Variants in PEX5L observed in about 807,000 individuals in gnomAD.
The protein encoded by PEX5L is PEX5-related protein.
PEX5L carries 30 observed loss-of-function variants against 84.0 expected under a neutral mutation model. That is an observed-to-expected ratio of 0.36 (90% CI 0.27 to 0.48). PEX5L has a LOEUF of 0.48. Ranked by LOEUF, PEX5L falls within the 20% of genes least tolerant of loss-of-function variation. The pLI, the probability that PEX5L is intolerant of heterozygous loss-of-function variation, is 0.99. For synonymous variants in PEX5L, 270 were observed against 283.1 expected (o/e 0.95, Z 0.46); for missense variants, 533 against 754.6 (o/e 0.71, Z 3.44).
intron 2 of PEX5L, among the ~76,000 whole-genome samples, chr3:179,951,646 T>C (rs61148580): frequency 0.038 from 5,847 of 152,268 alleles, 368 homozygotes; most frequent in African/African-American, 0.13. Context: ...CTTGCATTTC[T>C]GACCACTTAG....
intron 1 of PEX5L, chr3:179,974,165 A>G: frequency 2.0e-6 from 2 of 985,510 alleles, no homozygotes; most frequent in Non-Finnish European, 2.4e-6. Flanking sequence ...TGTCAAGCAC[A>G]AAAAGCAAGT....
At chr3:179,988,124 G>C (rs1489185308) in intron 1 of PEX5L, among the ~76,000 whole-genome samples, 1 of 152,150 alleles carries the variant, frequency 6.6e-6, no homozygotes, top group Non-Finnish European at 1.5e-5. Context: ...AGAGGGCTGG[G>C]CATGGTGGCT....
At chr3:179,898,429 A>G in intron 2 of PEX5L, 183 bp from the exon 3 acceptor site, 1 of 445,210 alleles carries the variant, frequency 2.2e-6, no homozygotes, top group Admixed American at 3.8e-5. Context: ...TTATTTGTGA[A>G]CTTTTAGTTA....
intron 1 of PEX5L, among the ~76,000 whole-genome samples, chr3:180,035,676 C>T (rs1360162901): frequency 1.3e-5 from 2 of 152,270 alleles, no homozygotes; most frequent in South Asian, 2.1e-4. Flanking sequence ...AAATGTTATA[C>T]ACCAGGATAA....
chr3:179,798,550 C>T lies in PEX5L; in HGVS notation c.*3278G>A, dbSNP rs1179799096. The T allele has an allele frequency of 6.6e-6, 1 of 152,164 alleles. No homozygotes were observed. Among genetic ancestry groups the T allele is most frequent in the Non-Finnish European group, 1.5e-5 (1 of 68,054 alleles). The allele number at this position is 152,164 out of a possible 1,614,324, so 9.4% of individuals were successfully genotyped here. A position where few individuals can be genotyped will look rare whatever the true frequency, so the allele number is the denominator to read the frequency against. ...GGCTTTCTCTTTATTTTCATCCAATCTACAGGCGAAGTCAGTCCCTGGAAG... is the reference window on the plus strand; with the variant it reads ...GGCTTTCTCTTTATTTTCATCCAATTTACAGGCGAAGTCAGTCCCTGGAAG... On this transcript the variant is annotated 3_prime_UTR_variant, in exon 15 of 15. Coordinates refer to ENST00000467460, the MANE Select transcript of PEX5L (RefSeq NM_016559.3).
chr3:180,029,789 G>A (rs948963580), intron 1 of PEX5L, among the ~76,000 whole-genome samples: 1 of 152,142 alleles, frequency 6.6e-6, no homozygotes, highest in African/African-American at 2.4e-5. Context: ...AGTTGGACTT[G>A]AGATTCTGCA....
At chr3:179,811,989 C>T (rs1053628960) in intron 10 of PEX5L, 118 bp from the exon 11 acceptor site, 5 of 778,512 alleles carry the variant, frequency 6.4e-6, no homozygotes, top group South Asian at 2.9e-5. Context: ...CATATGTGAG[C>T]GCTATATAAA....
intron 2 of PEX5L, among the ~76,000 whole-genome samples, chr3:179,934,764 T>A (rs1203363339): frequency 2.0e-5 from 3 of 152,220 alleles, no homozygotes; most frequent in Non-Finnish European, 2.9e-5. Flanking sequence ...AAGGGCTCAA[T>A]ACTAATACTC....
rs971768232 is a variant in PEX5L at position 179,998,700 on chromosome 3, T to C, written c.22-27035A>G. ...ATCCATCTAGCGATAAAGTGGGCCA[T>C]GGACAGCAGCATTCCATCATCAAAT... is the stretch of plus-strand genomic sequence containing the variant. On this transcript the variant is annotated intron_variant, in intron 1 of 14. Transcript: ENST00000467460. 3.3e-5 allele frequency among the ~76,000 whole-genome samples: 5 copies of C among 152,224 alleles called. 1 individual carries two copies. The highest frequency in any genetic ancestry group is 9.6e-5 in the African/African-American group (4 of 41,458).
At chr3:179,934,926 T>C (rs985844688) in intron 2 of PEX5L, among the ~76,000 whole-genome samples, 2 of 152,186 alleles carry the variant, frequency 1.3e-5, no homozygotes, top group Non-Finnish European at 2.9e-5. Flanking sequence ...CTGTTATAAA[T>C]GGTCAGATGT....
chr3:179,897,972 CT>C (rs1560595550), intron 3 of PEX5L, among the ~76,000 whole-genome samples, 169 bp downstream of exon 3: 1 of 151,636 alleles, frequency 6.6e-6, no homozygotes, highest in African/African-American at 2.4e-5. Flanking sequence ...GTGAATTTTT[CT>C]TTTTTTAGCA....
chr3:179,878,649 C>A (rs768583739), intron 5 of PEX5L, among the ~76,000 whole-genome samples: 1 of 152,226 alleles, frequency 6.6e-6, no homozygotes, highest in Non-Finnish European at 1.5e-5. Flanking sequence ...GTTCTCCCCA[C>A]CTTTCTCCTG....
chr3:179,935,724 T>A (rs1214212595), intron 2 of PEX5L, among the ~76,000 whole-genome samples: 1 of 152,044 alleles, frequency 6.6e-6, no homozygotes, highest in Non-Finnish European at 1.5e-5. Context: ...AGGGCAGCAA[T>A]GTTGCAGGTG....
intron 1 of PEX5L, among the ~76,000 whole-genome samples, chr3:180,011,335 T>A (rs1244948864): frequency 6.6e-6 from 1 of 152,228 alleles, no homozygotes; most frequent in East Asian, 1.9e-4. Context: ...ATTTAGCTAT[T>A]CAGAGCAGGT....
chr3:180,010,246 C>CTTTTTTTTTTTTTGTTTTT (rs1789319885), intron 1 of PEX5L, among the ~76,000 whole-genome samples: 1 of 105,180 alleles, frequency 9.5e-6, no homozygotes, highest in Non-Finnish European at 1.9e-5. Context: ...CACCCGGCCT[C>CTTTTTTTTTTTTTGTTTTT]TTTTTTTTTT....
chr3:179,816,826 C>T (rs563248359), intron 9 of PEX5L, among the ~76,000 whole-genome samples: 95 of 149,728 alleles, frequency 6.3e-4, no homozygotes, highest in African/African-American at 2.2e-3. Flanking sequence ...GAATATAGTA[C>T]ATTTTCATTG....
intron 2 of PEX5L, among the ~76,000 whole-genome samples, chr3:179,917,736 C>T (rs373169687): frequency 7.2e-5 from 11 of 152,184 alleles, no homozygotes; most frequent in East Asian, 5.8e-4. Context: ...CTCGGCTCAC[C>T]GCAACATCCG....
Position 179,855,839 on chromosome 3 carries a change from G to C in PEX5L, c.822+3223C>G, listed in dbSNP as rs568292088. Among the ~76,000 whole-genome samples, 4 of 152,266 alleles carry C rather than the reference G, an allele frequency of 2.6e-5. No individual in the cohort carries two copies. In the East Asian group the frequency reaches 7.7e-4, roughly 29 times the overall value. On this transcript the variant is annotated intron_variant, in intron 8 of 14. Coordinates refer to ENST00000467460, the MANE Select transcript of PEX5L (RefSeq NM_016559.3). ...TGGGCCCTCAGCAGACACCAAATCT[G>C]TTGGCAACTTGATCTTGAGCTTTTC...
chr3:179,973,212 A>T (rs1453779727), intron 1 of PEX5L: 4 of 1,288,734 alleles, frequency 3.1e-6, no homozygotes, highest in Non-Finnish European at 4.0e-6. Flanking sequence ...TTAAGTAGAG[A>T]TGGAATGTGG....
Sources: allele counts gnomAD v4.1 joint callset (sites outside exome capture counted in the v4.1 genomes callset), GRCh38; gene constraint gnomAD v4.1.1; transcripts MANE v1.5; gene names NCBI Gene and HGNC (gene_info 2026-07-23, HGNC 2026-07-21).